The following TIAL1 variants were observed in gnomAD, a reference collection of about 807,000 sequenced individuals.
TIAL1 encodes TIA1 cytotoxic granule associated RNA binding protein like 1.
Under a neutral mutation model 59.7 loss-of-function variants are expected in TIAL1, and 7 were observed. The observed-to-expected ratio is 0.12, with a 90% CI of 0.07 to 0.22. The LOEUF (loss-of-function observed/expected upper bound fraction) is 0.22. TIAL1 is among the 10% of genes least tolerant of loss of function. The pLI is 1.00. For synonymous variants in TIAL1, 149 were observed against 146.3 expected, an observed-to-expected ratio of 1.02 and a Z score of -0.13; for missense variants, 225 against 462.5, an observed-to-expected ratio of 0.49 and a Z score of 4.71.
intron 5 of TIAL1, chr10:119,581,696 CAT>C (rs1377083245): frequency 4.4e-5 from 15 of 343,218 alleles, no homozygotes; most frequent in Non-Finnish European, 6.8e-5. Flanking sequence ...TTTTTTTTAA[CAT>C]ATTATACACA....
intron 6 of TIAL1, among the ~76,000 whole-genome samples, chr10:119,579,201 G>C (rs1455034089): frequency 6.6e-6 from 1 of 152,134 alleles, no homozygotes; most frequent in Non-Finnish European, 1.5e-5. Context: ...AGCTGGGTGT[G>C]GTGGCACATG....
intron 2 of TIAL1, among the ~76,000 whole-genome samples, chr10:119,587,118 C>T (rs570077338): frequency 4.5e-4 from 68 of 152,310 alleles, no homozygotes; most frequent in African/African-American, 1.6e-3. Flanking sequence ...AATCAAAAGG[C>T]CAATGCACTT....
At chr10:119,587,867 A>T (rs556143811) in intron 2 of TIAL1, among the ~76,000 whole-genome samples, 15 of 152,352 alleles carry the variant, frequency 9.8e-5, no homozygotes, top group Admixed American at 2.0e-4. Context: ...AATACTTTCC[A>T]ATTTTTCACC....
chr10:119,585,810 C>G (rs994823311), intron 2 of TIAL1, among the ~76,000 whole-genome samples: 4 of 152,158 alleles, frequency 2.6e-5, no homozygotes, highest in Non-Finnish European at 4.4e-5. Flanking sequence ...AATGACCTCT[C>G]TGCTGCTTCT....
chr10:119,589,415 T>A (rs1264553598), intron 1 of TIAL1, among the ~76,000 whole-genome samples: 3 of 152,062 alleles, frequency 2.0e-5, no homozygotes, highest in Non-Finnish European at 4.4e-5. Context: ...CATGTTGGCC[T>A]GGCTGGTCTC....
intron 1 of TIAL1, chr10:119,591,865 G>C (rs1418775159): frequency 6.6e-6 from 1 of 152,108 alleles, no homozygotes; most frequent in African/African-American, 2.4e-5. Context: ...GTATTGTATA[G>C]CTTTTAAAAT....
rs1450063297 is a variant in TIAL1 at position 119,582,626 on chromosome 10, G to GA, written c.130-70dup. The GA allele has an allele frequency of 5.7e-6, 9 of 1,582,968 alleles. No individual in the cohort carries two copies. The highest frequency in any genetic ancestry group is 2.3e-5 in the East Asian group (1 of 44,118). On this transcript the variant is annotated intron_variant, in intron 2 of 11. Coordinates refer to ENST00000436547, the MANE Select transcript of TIAL1 (RefSeq NM_003252.4). This position sits in a 1 kb window ranked among gnomAD's most constrained non-coding sequence, Gnocchi z 5.1. The stretch of plus-strand genomic sequence containing the variant: ...TCGGGTTGCTGAGAAGAAAATCCAG[G>GA]AAAAAACATTACTGATAGCTGGGAA...
rs1371976585 is a variant in TIAL1, at chr10:119,573,606, C to G, written c.*2059G>C. 1 of 152,500 alleles carries G rather than the reference C, an allele frequency of 6.6e-6. No individual in the cohort carries two copies. The highest frequency in any genetic ancestry group is 2.4e-5 in the African/African-American group (1 of 41,402). 9.4% of individuals were successfully genotyped at this position (152,500 alleles called of 1,614,324 possible). On this transcript the variant is annotated 3_prime_UTR_variant, in exon 12 of 12. Transcript: ENST00000436547. ...GGCAGACCAAAACAGGCATACTAAG[C>G]ATTTTTATCAATTAAAAAAAGTCTT...
intron 1 of TIAL1, chr10:119,593,585 A>T (rs1564747125): frequency 4.0e-6 from 3 of 745,278 alleles, no homozygotes; most frequent in Non-Finnish European, 4.9e-6. Context: ...CTTTGTTAAG[A>T]ACACATTCTT....
intron 5 of TIAL1, among the ~76,000 whole-genome samples, chr10:119,581,441 A>G (rs1845301334): frequency 6.6e-6 from 1 of 152,058 alleles, no homozygotes; most frequent in Non-Finnish European, 1.5e-5. Context: ...AAACACATTT[A>G]TCATAATAAA....
At chr10:119,589,274 C>T (rs1845730261) in intron 1 of TIAL1, among the ~76,000 whole-genome samples, 1 of 152,326 alleles carries the variant, frequency 6.6e-6, no homozygotes, top group South Asian at 2.1e-4. Context: ...GGCATGATCT[C>T]AGCTCACTGC....
chr10:119,575,856 C>G, intron 11 of TIAL1, 65 bp from the exon 12 acceptor site: 1 of 1,461,640 alleles, frequency 6.8e-7, no homozygotes, highest in Non-Finnish European at 9.0e-7. Context: ...TGTATTTACA[C>G]AAAAATCAAG....
rs1846212977 is a variant in TIAL1 at position 119,596,584 on chromosome 10, G to A, written c.-119C>T. 7 of 800,558 alleles carry A rather than the reference G, an allele frequency of 8.7e-6. No individual in the cohort carries two copies. The highest frequency in any genetic ancestry group is 8.6e-5 in the South Asian group (5 of 58,190). 49.6% of individuals were successfully genotyped at this position (800,558 alleles called of 1,614,324 possible). A position where few individuals can be genotyped will look rare whatever the true frequency, so the allele number is the denominator to read the frequency against. ...GGCTGGGGACAGAGGAAAAGGCACC[G>A]AACCCTGCTCTCGGGCTCTCTCCCC... On this transcript the variant is annotated 5_prime_UTR_variant, in exon 1 of 12. Coordinates refer to ENST00000436547, the MANE Select transcript of TIAL1 (RefSeq NM_003252.4).
chr10:119,591,622 A>G (rs928492451), intron 1 of TIAL1, among the ~76,000 whole-genome samples: 1 of 152,194 alleles, frequency 6.6e-6, no homozygotes, highest in African/African-American at 2.4e-5. Flanking sequence ...CTCCACTAAA[A>G]GTTAAATGTT....
chr10:119,588,767 C>G (rs979443174), intron 1 of TIAL1, among the ~76,000 whole-genome samples: 7 of 152,166 alleles, frequency 4.6e-5, no homozygotes, highest in African/African-American at 1.7e-4. Context: ...CACTAAAATA[C>G]CACTCTGAAA....
intron 1 of TIAL1, 123 bp downstream of exon 1, chr10:119,596,311 G>A (rs1846187056): frequency 7.6e-6 from 8 of 1,055,392 alleles, no homozygotes; most frequent in Non-Finnish European, 8.6e-6. Context: ...TCGCGTCCAC[G>A]CCGCCCTGGT....
At chr10:119,580,279 A>AC (rs913812725) in intron 5 of TIAL1, 1 of 382,744 alleles carries the variant, frequency 2.6e-6, no homozygotes, top group African/African-American at 2.1e-5. Flanking sequence ...AATAGGAACA[A>AC]CAGTTTCCCT....
intron 1 of TIAL1, among the ~76,000 whole-genome samples, chr10:119,594,596 T>C (rs1846058450): frequency 6.6e-6 from 1 of 152,234 alleles, no homozygotes; most frequent in East Asian, 1.9e-4. Context: ...CAACACCAAG[T>C]CTTGGCTTCA....
In TIAL1 at chr10:119,575,672, G is replaced by A. The variant is rs760539411; in HGVS notation, c.1121C>T (p.Thr374Ile). The A allele has an allele frequency of 6.2e-7, 1 of 1,613,522 alleles. No individual in the cohort carries two copies. Among genetic ancestry groups the A allele is most frequent in the Non-Finnish European group, 8.5e-7 (1 of 1,179,770 alleles). The change falls in exon 12 of 12, where the codon ACA becomes ATA. Residue 374 changes from threonine (T) to isoleucine (I), a missense_variant. Physicochemically the swap from Thr to Ile is moderately conservative, Grantham distance 89. This residue lies in a region of TIAL1 where 68 missense variants were observed against 71.3 expected (regional missense o/e 0.95). Coordinates refer to ENST00000436547, the MANE Select transcript of TIAL1 (RefSeq NM_003252.4). ...TTTTTTTAGAGTCCCGGCTCACTGT[G>A]TTTGGTAACTTGCCATACCATATCC... The part of the protein sequence containing the change: ...QAGYGMASYQ[T>I]Q
Sources: gnomAD v4.1 joint callset for allele counts (sites outside exome capture counted in the v4.1 genomes callset) on GRCh38, gnomAD v4.1.1 for gene constraint, gnomAD v4.1.1 regional missense constraint, Gnocchi (gnomAD v3.1) non-coding constraint, MANE v1.5 for transcripts, NCBI Gene and HGNC (gene_info 2026-07-23, HGNC 2026-07-21) for gene names.